The following LAMB1 variants were observed in gnomAD, a reference collection of about 807,000 sequenced individuals.
LAMB1 encodes laminin subunit beta-1.
Under a neutral mutation model 222.3 loss-of-function variants are expected in LAMB1, and 121 were observed. That is an observed-to-expected ratio of 0.54 (90% CI 0.47 to 0.63). LAMB1 has a LOEUF of 0.63. Among genes scored for constraint, LAMB1 ranks in the 30% least tolerant of loss-of-function variants. The probability of loss-of-function intolerance (pLI) is 0.00; values close to 1 mark genes in which losing one functional copy is unlikely to be tolerated. For missense variants in LAMB1, 2,172 were observed against 2,240.8 expected, an observed-to-expected ratio of 0.97 and a Z score of 0.62; for synonymous variants, 794 against 807.2, an observed-to-expected ratio of 0.98 and a Z score of 0.28.
At chr7:107,955,403 A>G in intron 21 of LAMB1, 64 bp downstream of exon 21, 1 of 1,417,222 alleles carries the variant, frequency 7.1e-7, no homozygotes, top group Non-Finnish European at 9.6e-7. Context: ...TTTCTCATTA[A>G]CAATGAACTC....
intron 3 of LAMB1, chr7:107,999,784 A>G (rs1263670608): frequency 8.4e-6 from 1 of 119,318 alleles, no homozygotes; most frequent in Non-Finnish European, 1.6e-5. Context: ...TTTTTTTTTT[A>G]AGGGAAACTA....
intron 2 of LAMB1, chr7:108,002,261 C>G: frequency 1.5e-6 from 2 of 1,311,130 alleles, no homozygotes; most frequent in Non-Finnish European, 2.0e-6. Context: ...TCGCTGGGGA[C>G]GAGGCGCCGG....
intron 31 of LAMB1, 98 bp downstream of exon 31, chr7:107,928,966 G>T: frequency 8.8e-7 from 1 of 1,137,440 alleles, no homozygotes; most frequent in Non-Finnish European, 1.3e-6. Context: ...CTTTAATGTT[G>T]AGTTGTAAGA....
At chr7:107,975,658 C>T in intron 10 of LAMB1, 31 bp downstream of exon 10, 5 of 1,585,088 alleles carry the variant, frequency 3.2e-6, no homozygotes, top group Non-Finnish European at 4.3e-6. Flanking sequence ...TGAAGTAGGT[C>T]CCACACAGTG....
chr7:107,960,546 C>G lies in LAMB1; in HGVS notation c.2213G>C (p.Arg738Pro). The G allele has an allele frequency of 6.2e-7, 1 of 1,614,080 alleles. No individual in the cohort carries two copies. Among genetic ancestry groups the G allele is most frequent in the Non-Finnish European group, 8.5e-7 (1 of 1,179,902 alleles). Residue 738 changes from arginine (R) to proline (P), a missense_variant, in exon 18 of 34, where the codon CGA (arginine) becomes CCA (proline). Arg to Pro is a moderately radical substitution (Grantham distance 103, BLOSUM62 -2). Transcript: ENST00000222399. ...AACGCTTCTGCTGTTCTCTAGACAT[C>G]GGTATCTCTGAAAGGTTTCCCAGGC... The part of the protein sequence containing the change: ...NSAWETFQRY[R>P]CLENSRSVVK...
intron 16 of LAMB1, 101 bp downstream of exon 16, chr7:107,961,448 C>T (rs933707724): frequency 1.1e-5 from 18 of 1,572,298 alleles, no homozygotes; most frequent in East Asian, 2.3e-5. Context: ...CAGCAGTCAA[C>T]GTCTGGCTCT....
At chr7:107,930,472 T>G (rs2116323006) in intron 29 of LAMB1, among the ~76,000 whole-genome samples, 1 of 152,338 alleles carries the variant, frequency 6.6e-6, no homozygotes, top group East Asian at 1.9e-4. Flanking sequence ...AATACTGATT[T>G]TTTTTCAGGT....
Position 108,001,657 on chromosome 7 carries a change from G to A in LAMB1, c.114C>T (p.Ala38=). ...CTCGGCCGATGAGAAGGTCGCCCGT[G>A]GCGGGATAGCAGCTGCCTTCTGCGC... ...YGCAEGSCYP[A]TGDLLIGRAQ... Residue 38 remains alanine (A), a synonymous_variant, in exon 3 of 34, where the codon GCC becomes GCT. Transcript: ENST00000222399. The A allele has an allele frequency of 6.2e-7, 1 of 1,612,828 alleles. No homozygotes were observed. The highest frequency in any genetic ancestry group is 8.5e-7 in the Non-Finnish European group (1 of 1,179,826).
At chr7:107,983,301 C>T (rs1254470443) in intron 7 of LAMB1, among the ~76,000 whole-genome samples, 1 of 152,088 alleles carries the variant, frequency 6.6e-6, no homozygotes, top group Non-Finnish European at 1.5e-5. Context: ...AAAATAGGGC[C>T]TTGTGCAGCT....
intron 13 of LAMB1, among the ~76,000 whole-genome samples, chr7:107,970,018 T>C (rs1584517271): frequency 6.6e-6 from 1 of 152,330 alleles, no homozygotes; most frequent in East Asian, 1.9e-4. Flanking sequence ...CCTCATTTAT[T>C]GAGTACCTGC....
chr7:107,955,971 C>T (rs548938259), intron 20 of LAMB1, among the ~76,000 whole-genome samples: 14 of 152,298 alleles, frequency 9.2e-5, no homozygotes, highest in South Asian at 2.1e-4. Context: ...GATCTCAGCA[C>T]GCTGCAACCT....
intron 4 of LAMB1, among the ~76,000 whole-genome samples, chr7:107,996,629 G>T (rs1049660929): frequency 6.6e-6 from 1 of 152,188 alleles, no homozygotes; most frequent in African/African-American, 2.4e-5. Context: ...TCTTGTGACA[G>T]AGTGACAGAG....
At position 108,001,560 on chromosome 7, in the gene LAMB1, G is replaced by T. The variant is rs988875506; in HGVS notation, c.211C>A (p.Gln71Lys). The T allele has an allele frequency of 1.3e-6, 2 of 1,596,146 alleles. No homozygotes were observed. Among genetic ancestry groups the T allele is most frequent in the Non-Finnish European group, 1.7e-6 (2 of 1,167,390 alleles). Residue 71 changes from glutamine to lysine, a missense_variant and splice_region_variant, in exon 3 of 34, where the codon CAG (glutamine) becomes AAG (lysine). Gln to Lys is a moderately conservative substitution (Grantham distance 53). Transcript: ENST00000222399. The stretch of plus-strand genomic sequence containing the variant: ...CGAACCCCGCTCTCAGCCCTCACCT[G>T]CAAGTGGCTGACGATACAGTAGGGT... ...PEPYCIVSHL[Q>K]EDKKCFICNS...
In LAMB1 at chr7:107,964,742, G is replaced by C. The variant is rs550438557; in HGVS notation, c.1563-55C>G. On this transcript the variant is annotated intron_variant, in intron 13 of 33. Coordinates refer to ENST00000222399, the MANE Select transcript of LAMB1 (RefSeq NM_002291.3). ...AGTTCATGGTCACGCGAGTCAACCCGCCAGAAGCAGCTCTACAGCTGCCAT... is the reference window on the plus strand; with the variant it reads ...AGTTCATGGTCACGCGAGTCAACCCCCCAGAAGCAGCTCTACAGCTGCCAT... The C allele has an allele frequency of 7.5e-6, 12 of 1,596,416 alleles. No homozygotes were observed. In the African/African-American group the frequency reaches 1.5e-4, roughly 20 times the overall value.
intron 32 of LAMB1, 54 bp from the exon 33 acceptor site, chr7:107,924,443 C>A: frequency 5.1e-6 from 7 of 1,379,314 alleles, no homozygotes; most frequent in South Asian, 1.3e-5. Context: ...TCAGTAATTA[C>A]ATTTAAGAGC....
chr7:107,986,052 T>G lies in LAMB1; in HGVS notation c.646A>C (p.Ile216Leu), dbSNP rs1157886743. The change falls in exon 7 of 34, where the codon ATA becomes CTA. Residue 216 changes from isoleucine (I) to leucine (L), a missense_variant. By Grantham distance (5) the Ile-to-Leu change is conservative. Coordinates refer to ENST00000222399, the MANE Select transcript of LAMB1 (RefSeq NM_002291.3). ...IFRALDPAFK[I>L]EDPYSPRIQN... is the part of the protein sequence containing the mutation. ...ATCCTTGGGCTATAAGGATCTTCTA[T>G]TTTGAAAGCAGGATCTAAAGCACGA... The G allele has an allele frequency of 7.4e-6, 12 of 1,612,256 alleles. No homozygotes were observed. Among genetic ancestry groups the G allele is most frequent in the Non-Finnish European group, 1.0e-5 (12 of 1,178,366 alleles).
Position 107,923,998 on chromosome 7 carries a change from G to A in LAMB1, c.5314C>T (p.Leu1772=), listed in dbSNP as rs781629439. Residue 1772 remains leucine (L), a synonymous_variant, in exon 34 of 34, where the codon CTA becomes TTA. Transcript: ENST00000222399. ...ARLEGEVRSL[L]KDISQKVAVY... is the part of the protein sequence containing the mutation. ...GCAACTTTCTGGCTTATATCCTTTAGGAGTGAACGGACTTCTCCTTCCAGT... is the reference window on the plus strand; with the variant it reads ...GCAACTTTCTGGCTTATATCCTTTAAGAGTGAACGGACTTCTCCTTCCAGT... 33 of 1,605,804 alleles carry A rather than the reference G, an allele frequency of 2.1e-5. No individual in the cohort carries two copies. The highest frequency in any genetic ancestry group is 2.8e-5 in the Non-Finnish European group (33 of 1,178,068).
intron 13 of LAMB1, among the ~76,000 whole-genome samples, chr7:107,968,776 T>A (rs1158183123): frequency 6.6e-6 from 1 of 152,334 alleles, no homozygotes; most frequent in Non-Finnish European, 1.5e-5. Context: ...CCAAATTAGC[T>A]GGAAACAGAT....
chr7:107,998,099 A>G (rs1207609924), intron 4 of LAMB1, among the ~76,000 whole-genome samples: 2 of 152,174 alleles, frequency 1.3e-5, no homozygotes, highest in African/African-American at 4.8e-5. Flanking sequence ...TATTCTCTCC[A>G]AAAGCCCCTC....
Sources: gnomAD v4.1 joint callset for allele counts (sites outside exome capture counted in the v4.1 genomes callset) on GRCh38, gnomAD v4.1.1 for gene constraint, MANE v1.5 for transcripts, NCBI Gene and HGNC (gene_info 2026-07-23, HGNC 2026-07-21) for gene names.